DMD: variants seen among roughly 807,000 people sequenced by gnomAD.
DMD encodes mutant dystrophin.
Under a neutral mutation model 330.1 loss-of-function variants are expected in DMD, and 63 were observed. That is an observed-to-expected ratio of 0.19 (90% CI 0.16 to 0.24). DMD has a LOEUF of 0.24. Ranked by LOEUF, DMD falls within the 10% of genes least tolerant of loss-of-function variation. The pLI is 1.00. For missense variants in DMD, 3,344 were observed against 2,684.1 expected (o/e 1.25, Z -5.43); for synonymous variants, 1,223 against 959.8 (o/e 1.27, Z -5.07).
chrX:32,621,392 G>C (rs987977848), intron 11 of DMD, among the ~76,000 whole-genome samples: 1 of 111,077 alleles, frequency 9.0e-6, no homozygotes, highest in African/African-American at 3.3e-5. Flanking sequence ...TGAACACCCA[G>C]TAATCTTTCA....
chrX:31,864,183 T>G (rs2093758350), intron 48 of DMD, among the ~76,000 whole-genome samples: 1 of 111,427 alleles, frequency 9.0e-6, no homozygotes, highest in African/African-American at 3.3e-5. Flanking sequence ...AATGCCACTA[T>G]AATAGAGGTT....
At chrX:31,996,206 A>G (rs1182791002) in intron 44 of DMD, among the ~76,000 whole-genome samples, 1 of 112,274 alleles carries the variant, frequency 8.9e-6, no homozygotes, top group Non-Finnish European at 1.9e-5. Flanking sequence ...TGTAATCAAC[A>G]TGACATAAGT....
At chrX:31,235,534 G>A (rs1004839201) in intron 63 of DMD, among the ~76,000 whole-genome samples, 3 of 112,551 alleles carry the variant, frequency 2.7e-5, no homozygotes. Context: ...GTCATGTTGT[G>A]TTCACTTATC....
At chrX:31,622,342 C>T (rs1189541413) in intron 55 of DMD, among the ~76,000 whole-genome samples, 1 of 109,791 alleles carries the variant, frequency 9.1e-6, no homozygotes, top group Non-Finnish European at 1.9e-5. Flanking sequence ...CACAAACCAC[C>T]GAACCAAAGT....
intron 7 of DMD, among the ~76,000 whole-genome samples, chrX:32,702,180 T>C (rs746326654): frequency 6.2e-5 from 7 of 112,295 alleles, no homozygotes; most frequent in Non-Finnish European, 1.1e-4. Context: ...AGAAAGTAAA[T>C]AATAGAAGTA....
intron 6 of DMD, among the ~76,000 whole-genome samples, chrX:32,815,548 T>TAC (rs2077696428): frequency 1.0e-5 from 1 of 96,144 alleles, no homozygotes; most frequent in African/African-American, 4.5e-5. Flanking sequence ...TATATATACA[T>TAC]ATATAGAGTA....
At chrX:32,444,998 C>T (rs1159315710) in intron 27 of DMD, among the ~76,000 whole-genome samples, 1 of 111,107 alleles carries the variant, frequency 9.0e-6, no homozygotes, top group East Asian at 2.8e-4. Context: ...ACTTCCAGTG[C>T]CCATAGGCTC....
chrX:32,987,280 G>A (rs73188367), intron 2 of DMD, among the ~76,000 whole-genome samples: 7,618 of 111,523 alleles, frequency 0.068, 469 homozygotes, highest in African/African-American at 0.19. Flanking sequence ...CCGTGTCAGC[G>A]TCAGCTTCAG....
At chrX:31,663,778 A>AAAC (rs745500741) in intron 53 of DMD, among the ~76,000 whole-genome samples, 2 of 110,742 alleles carry the variant, frequency 1.8e-5, no homozygotes, top group African/African-American at 3.3e-5. Context: ...TCTCATCTTT[A>AAAC]AACAACAACA....
chrX:31,723,345 C>A (rs1013169567), intron 52 of DMD, among the ~76,000 whole-genome samples: 1 of 110,716 alleles, frequency 9.0e-6, no homozygotes, highest in Non-Finnish European at 1.9e-5. Flanking sequence ...TCATGTTAAG[C>A]ACATTACTTT....
chrX:31,273,491 CA>C (rs1272792033), intron 62 of DMD, among the ~76,000 whole-genome samples: 5 of 110,346 alleles, frequency 4.5e-5, no homozygotes, highest in Non-Finnish European at 7.6e-5. Flanking sequence ...ACTCAAATTT[CA>C]AAAAAAAATT....
At chrX:31,912,461 C>G (rs146383181) in intron 47 of DMD, among the ~76,000 whole-genome samples, 3,464 of 111,271 alleles carry the variant, frequency 0.031, 148 homozygotes, top group African/African-American at 0.11. Flanking sequence ...CCACAACTAG[C>G]AGGATGAAGA....
chrX:32,745,429 T>C (rs2069858333), intron 7 of DMD, among the ~76,000 whole-genome samples: 1 of 112,246 alleles, frequency 8.9e-6, no homozygotes. Context: ...TTGAAATACC[T>C]TAAAGCACAA....
At chrX:31,128,796 C>G (rs1838924832) in intron 77 of DMD, among the ~76,000 whole-genome samples, 2 of 111,384 alleles carry the variant, frequency 1.8e-5, no homozygotes, top group African/African-American at 3.3e-5. Flanking sequence ...TCCCCACGTA[C>G]TCATTAACAC....
intron 7 of DMD, among the ~76,000 whole-genome samples, chrX:32,789,492 C>T (rs1401998754): frequency 3.6e-5 from 4 of 111,913 alleles, no homozygotes; most frequent in Non-Finnish European, 5.6e-5. Context: ...TGTCACAGCC[C>T]GTCCTCAGTG....
chrX:33,063,495 G>C (rs780532085), intron 1 of DMD, among the ~76,000 whole-genome samples: 1 of 111,728 alleles, frequency 9.0e-6, no homozygotes, highest in Non-Finnish European at 1.9e-5. Context: ...TGAGGGTAAG[G>C]CTCGAGTTAT....
chrX:31,449,620 G>A (rs1410453684), intron 59 of DMD, among the ~76,000 whole-genome samples: 1 of 107,734 alleles, frequency 9.3e-6, no homozygotes, highest in Non-Finnish European at 1.9e-5. Flanking sequence ...AAAGTAGAGG[G>A]GTCAGTTGTA....
intron 51 of DMD, among the ~76,000 whole-genome samples, chrX:31,755,137 A>T (rs772395480): frequency 8.1e-4 from 87 of 107,043 alleles, no homozygotes; most frequent in African/African-American, 3.0e-3. Flanking sequence ...CATTTGAACT[A>T]TTTTTTATCA....
chrX:31,774,588 C>A (rs1360239480), intron 50 of DMD, among the ~76,000 whole-genome samples: 2 of 109,077 alleles, frequency 1.8e-5, no homozygotes, highest in African/African-American at 6.7e-5. Context: ...TTTTTTTATT[C>A]AAGAAAAAAC....
Sources: allele counts gnomAD v4.1 joint callset (sites outside exome capture counted in the v4.1 genomes callset), GRCh38; gene constraint gnomAD v4.1.1; transcripts MANE v1.5; gene names NCBI Gene and HGNC (gene_info 2026-07-23, HGNC 2026-07-21).